CRY2: variants seen among roughly 807,000 people sequenced by gnomAD.
CRY2 encodes the protein cryptochrome-2.
A neutral mutation model predicts 69.5 loss-of-function variants in CRY2; 31 were observed. That is an observed-to-expected ratio of 0.45 (90% CI 0.34 to 0.60). The LOEUF is 0.60. CRY2 is among the 20% of genes least tolerant of loss of function. CRY2 has a pLI of 0.02. For missense variants in CRY2, 606 were observed against 797.8 expected (o/e 0.76, Z 2.90); for synonymous variants, 303 against 312.2 (o/e 0.97, Z 0.31).
Position 45,867,735 on chromosome 11 carries a change from TG to T in CRY2, c.868del (p.Asp290ThrfsTer6). ...LSCRLFYYRL[W>X]DLYKKVKRNS... ...CTGCCGCCTCTTCTACTACCGCCTG[TG>T]GGACCTGTATAAAAAGGTAAGGGGG... On this transcript the variant is annotated frameshift_variant, in exon 6 of 12. Transcript: ENST00000616080. LOFTEE classifies it high-confidence loss of function. The T allele has an allele frequency of 6.2e-7, 1 of 1,614,228 alleles. No individual in the cohort carries two copies. Among genetic ancestry groups the T allele is most frequent in the Non-Finnish European group, 8.5e-7 (1 of 1,180,032 alleles).
intron 10 of CRY2, among the ~76,000 whole-genome samples, chr11:45,871,289 C>T (rs954713491): frequency 2.6e-4 from 39 of 152,184 alleles, no homozygotes; most frequent in Non-Finnish European, 2.8e-4. Flanking sequence ...AGAAAAAGCT[C>T]ACAAACAGTA....
intron 2 of CRY2, among the ~76,000 whole-genome samples, chr11:45,857,751 A>G (rs1352043611): frequency 1.3e-5 from 2 of 152,262 alleles, no homozygotes; most frequent in Non-Finnish European, 2.9e-5. Flanking sequence ...TGTTATTCAC[A>G]GGTTACAATG....
At chr11:45,867,488 G>A (rs768862696) in intron 5 of CRY2, 124 bp from the exon 6 acceptor site, 10 of 1,291,048 alleles carry the variant, frequency 7.7e-6, no homozygotes, top group Non-Finnish European at 1.1e-5. Flanking sequence ...CAAGCACAGT[G>A]TTCCATGGCT....
chr11:45,873,478 T>C (rs2086402447), intron 11 of CRY2, among the ~76,000 whole-genome samples: 1 of 152,234 alleles, frequency 6.6e-6, no homozygotes, highest in Admixed American at 6.5e-5. Flanking sequence ...AGCTCTGTGA[T>C]ACTAAGCAAA....
In CRY2 at chr11:45,882,574, C is replaced by T; in HGVS notation, c.*1663C>T. 1 of 399,090 alleles carries T rather than the reference C, an allele frequency of 2.5e-6. No homozygotes were observed. Among genetic ancestry groups the T allele is most frequent in the Non-Finnish European group, 4.4e-6 (1 of 226,098 alleles). The allele number at this position is 399,090 out of a possible 1,614,324, so 24.7% of individuals were successfully genotyped here. A position where few individuals can be genotyped will look rare whatever the true frequency, so the allele number is the denominator to read the frequency against. The stretch of plus-strand genomic sequence containing the variant: ...CAGCCAGAGAGCTGCCTTTAGAGTC[C>T]AACTGTTGTACGTATGTCACCTTCA... On this transcript the variant is annotated 3_prime_UTR_variant, in exon 12 of 12. Coordinates refer to ENST00000616080, the MANE Select transcript of CRY2 (RefSeq NM_021117.5).
In CRY2 at chr11:45,870,364, C is replaced by G; in HGVS notation, c.1381C>G (p.Arg461Gly). The change falls in exon 9 of 12, where the codon CGA becomes GGA. Residue 461 changes from arginine (R) to glycine (G), a missense_variant. Around this residue, in one of 5 missense-constraint regions of CRY2, gnomAD observed 173 missense variants for 213.7 expected, o/e 0.81. Coordinates refer to ENST00000616080, the MANE Select transcript of CRY2 (RefSeq NM_021117.5). ...GCCCAAATTGAAAGCGTTCCCCTCT[C>G]GATACATCTATGAGCCCTGGAATGC... The part of the protein sequence containing the change: ...YLPKLKAFPS[R>G]YIYEPWNAPE... 6.2e-7 allele frequency: 1 copy of G among 1,614,202 alleles called. No homozygotes were observed.
At chr11:45,868,838 G>T (rs1201741185) in intron 6 of CRY2, among the ~76,000 whole-genome samples, 1 of 151,634 alleles carries the variant, frequency 6.6e-6, no homozygotes, top group Non-Finnish European at 1.5e-5. Context: ...GTTTTTCCAT[G>T]TTGCCCAGGC....
intron 1 of CRY2, among the ~76,000 whole-genome samples, chr11:45,853,373 G>A (rs1295339076): frequency 1.3e-5 from 2 of 152,124 alleles, no homozygotes; most frequent in Non-Finnish European, 2.9e-5. Flanking sequence ...TCTGCTTCCT[G>A]CTATAAACAT....
chr11:45,856,057 AC>A lies in CRY2; in HGVS notation c.292del (p.Gln98SerfsTer15). 6.2e-7 allele frequency: 1 copy of A among 1,614,192 alleles called. No individual in the cohort carries two copies. The highest frequency in any genetic ancestry group is 8.5e-7 in the Non-Finnish European group (1 of 1,180,030). ...ACTCCCGCCTGTTTGTAGTCCGGGG[AC>A]AGCCAGCCGACGTGTTCCCAAGGCT... is the stretch of plus-strand genomic sequence containing the variant. ...LNSRLFVVRGQPADVFPRLFK... is the reference protein window; with the variant it reads ...LNSRLFVVRGXPADVFPRLFK... On this transcript the variant is annotated frameshift_variant, in exon 2 of 12. Coordinates refer to ENST00000616080, the MANE Select transcript of CRY2 (RefSeq NM_021117.5). LOFTEE classifies it high-confidence loss of function.
At chr11:45,870,992 C>A in intron 10 of CRY2, 58 bp downstream of exon 10, 2 of 1,439,772 alleles carry the variant, frequency 1.4e-6, no homozygotes, top group South Asian at 1.2e-5. Flanking sequence ...CCACTTCAGT[C>A]ATTCAGGACT....
At chr11:45,864,308 G>T (rs150966069) in intron 5 of CRY2, among the ~76,000 whole-genome samples, 2 of 152,282 alleles carry the variant, frequency 1.3e-5, no homozygotes, top group East Asian at 1.9e-4. Flanking sequence ...CAGATTAAAA[G>T]AAAATTAAAT....
Position 45,847,683 on chromosome 11 carries a change from T to G in CRY2, c.193T>G (p.Ser65Ala). 6.3e-7 allele frequency: 1 copy of G among 1,578,048 alleles called. No individual in the cohort carries two copies. Among genetic ancestry groups the G allele is most frequent in the Non-Finnish European group, 8.6e-7 (1 of 1,162,486 alleles). ...CGACCCGTGGTTCGCGGCCTCCTCC[T>G]CAGTCGGGATCAACCGATGGAGGTG... ...ILDPWFAASSSVGINRWRFLL... is the reference protein window; with the variant it reads ...ILDPWFAASSAVGINRWRFLL... Residue 65 changes from serine to alanine, a missense_variant, in exon 1 of 12, where the codon TCA becomes GCA. By Grantham distance (99) the Ser-to-Ala change is moderately conservative. Around this residue, in one of 5 missense-constraint regions of CRY2, gnomAD observed 382 missense variants for 508.9 expected, o/e 0.75. Transcript: ENST00000616080.
chr11:45,878,053 A>G (rs1411961435), intron 11 of CRY2, among the ~76,000 whole-genome samples: 1 of 152,216 alleles, frequency 6.6e-6, no homozygotes, highest in South Asian at 2.1e-4. Context: ...CTGAATTGTT[A>G]TCATTATATC....
At chr11:45,865,665 C>G (rs896502893) in intron 5 of CRY2, among the ~76,000 whole-genome samples, 1 of 151,906 alleles carries the variant, frequency 6.6e-6, no homozygotes, top group African/African-American at 2.4e-5. Context: ...AGAGCAGATG[C>G]GTAAAGAAGA....
At chr11:45,858,708 C>T (rs1565057884) in intron 2 of CRY2, 23 bp from the exon 3 acceptor site, 2 of 1,607,488 alleles carry the variant, frequency 1.2e-6, no homozygotes, top group Non-Finnish European at 1.7e-6. Flanking sequence ...CAGTGTTGAG[C>T]ATAACAGATC....
intron 6 of CRY2, among the ~76,000 whole-genome samples, chr11:45,869,090 T>C (rs1021892638): frequency 2.0e-5 from 3 of 152,240 alleles, no homozygotes; most frequent in Non-Finnish European, 4.4e-5. Context: ...AGATCCAGGC[T>C]GTGTGTATAA....
intron 2 of CRY2, 120 bp from the exon 3 acceptor site, chr11:45,858,611 C>T: frequency 2.7e-6 from 3 of 1,112,156 alleles, no homozygotes; most frequent in Non-Finnish European, 3.7e-6. Flanking sequence ...CTAGTTTTTT[C>T]TGCTGCCCAT....
At chr11:45,848,074 G>A (rs1040875396) in intron 1 of CRY2, among the ~76,000 whole-genome samples, 5 of 152,170 alleles carry the variant, frequency 3.3e-5, no homozygotes, top group African/African-American at 1.2e-4. Context: ...ACTCAGGGAG[G>A]GGCGGAAGGG....
At position 45,881,787 on chromosome 11, in the gene CRY2, G is replaced by A. The variant is rs2086474899; in HGVS notation, c.*876G>A. On this transcript the variant is annotated 3_prime_UTR_variant, in exon 12 of 12. Transcript: ENST00000616080. ...GGGTCAAACTGACTCACTCTACCAG[G>A]AGGAGACCAGGTTGCAGTGGCGTAA... The A allele has an allele frequency of 6.6e-6, 1 of 152,244 alleles. No individual in the cohort carries two copies. Among genetic ancestry groups the A allele is most frequent in the South Asian group, 2.1e-4 (1 of 4,832 alleles). 9.4% of individuals were successfully genotyped at this position (152,244 alleles called of 1,614,324 possible). A position where few individuals can be genotyped will look rare whatever the true frequency, so the allele number is the denominator to read the frequency against.
Sources: gnomAD v4.1 joint callset for allele counts (sites outside exome capture counted in the v4.1 genomes callset) on GRCh38, gnomAD v4.1.1 for gene constraint, gnomAD v4.1.1 regional missense constraint, MANE v1.5 for transcripts, NCBI Gene and HGNC (gene_info 2026-07-23, HGNC 2026-07-21) for gene names.